The following N4BP2 variants were observed in gnomAD, a reference collection of about 807,000 sequenced individuals.
N4BP2 encodes the protein NEDD4-binding protein 2.
Under a neutral mutation model 152.8 loss-of-function variants are expected in N4BP2, and 91 were observed. The observed-to-expected ratio is 0.60, with a 90% confidence interval of 0.50 to 0.71. The LOEUF (loss-of-function observed/expected upper bound fraction) is 0.71, where lower values mean the gene tolerates loss of function less well. Ranked by LOEUF, N4BP2 falls within the 30% of genes least tolerant of loss-of-function variation. The pLI is 0.00. For synonymous variants in N4BP2, 646 were observed against 705.3 expected (o/e 0.92, Z 1.33); for missense variants, 1,923 against 2,059.1 (o/e 0.93, Z 1.28).
the N4BP2 span, among the ~76,000 whole-genome samples, chr4:40,176,089 C>CAA: frequency 9.6e-5 from 8 of 83,436 alleles, no homozygotes; most frequent in East Asian, 2.8e-4. Flanking sequence ...GACTCCGTCT[C>CAA]AAAAAAAAAA....
downstream of N4BP2, among the ~76,000 whole-genome samples, chr4:40,158,834 C>CT (rs1721779629): frequency 6.6e-6 from 1 of 151,958 alleles, no homozygotes; most frequent in South Asian, 2.1e-4. Context: ...GACCTTGGAA[C>CT]TTTATATTCG....
rs2110014819 is a variant in N4BP2, at chr4:40,131,885, C to A, written c.4612C>A (p.Gln1538Lys). The A allele has an allele frequency of 6.2e-7, 1 of 1,613,122 alleles. No homozygotes were observed. The highest frequency in any genetic ancestry group is 8.5e-7 in the Non-Finnish European group (1 of 1,179,308). ...CTTTAAGATATTTCCAGCCATTAAC[C>A]AAAATTTTCTGGTGGACATTTTCAA... ...QLFKIFPAIN[Q>K]NFLVDIFKDH... The change falls in exon 13 of 18, where the codon CAA (glutamine) becomes AAA (lysine). Residue 1538 changes from glutamine to lysine, a missense_variant. Gln to Lys is a moderately conservative substitution (Grantham distance 53). Transcript: ENST00000261435.
chr4:40,113,584 G>A, intron 7 of N4BP2, 76 bp downstream of exon 7: 1 of 975,672 alleles, frequency 1.0e-6, no homozygotes, highest in Non-Finnish European at 1.6e-6. Flanking sequence ...TTTTCCCCTT[G>A]TAAATGATGA....
At chr4:40,071,622 A>C (rs10011231) in intron 1 of N4BP2, among the ~76,000 whole-genome samples, 1 of 152,106 alleles carries the variant, frequency 6.6e-6, no homozygotes, top group African/African-American at 2.4e-5. Context: ...GCTGGAGTGC[A>C]ATGGTGCGAT....
chr4:40,073,325 T>G (rs1280925000), intron 1 of N4BP2, 130 bp from the exon 2 acceptor site: 1 of 152,102 alleles, frequency 6.6e-6, no homozygotes, highest in Admixed American at 6.6e-5. Context: ...TTCTTGTCTT[T>G]TCTCTTTTGT....
Position 40,121,767 on chromosome 4 carries a change from G to A in N4BP2, c.3656G>A (p.Ser1219Asn). 7 of 1,613,926 alleles carry A rather than the reference G, an allele frequency of 4.3e-6. No individual in the cohort carries two copies. Among genetic ancestry groups the A allele is most frequent in the Non-Finnish European group, 5.9e-6 (7 of 1,179,990 alleles). Residue 1219 changes from serine (S) to asparagine (N), a missense_variant, in exon 9 of 18, where the codon AGT (serine) becomes AAT (asparagine). By Grantham distance (46) the Ser-to-Asn change is conservative. Transcript: ENST00000261435. ...VTPENHESMT[S>N]IFPSAAVGLK... is the part of the protein sequence containing the mutation. Reference sequence around the variant, plus strand: ...CCTGAAAACCATGAATCGATGACAAGTATATTTCCCAGTGCTGCTGTGGGT... The same window carrying A: ...CCTGAAAACCATGAATCGATGACAAATATATTTCCCAGTGCTGCTGTGGGT...
At chr4:40,183,315 T>A in the N4BP2 span, among the ~76,000 whole-genome samples, 1 of 151,706 alleles carries the variant, frequency 6.6e-6, no homozygotes, top group East Asian at 1.9e-4. Context: ...TTAGGTTGGG[T>A]ATTGGCTAAA....
At chr4:40,080,325 T>TATATAC (rs772636527) in intron 2 of N4BP2, among the ~76,000 whole-genome samples, 2 of 150,292 alleles carry the variant, frequency 1.3e-5, no homozygotes, top group Admixed American at 6.7e-5. Flanking sequence ...TATATATATA[T>TATATAC]ACACACACAC....
At chr4:40,176,512 T>A in the N4BP2 span, among the ~76,000 whole-genome samples, 2 of 152,166 alleles carry the variant, frequency 1.3e-5, no homozygotes, top group African/African-American at 2.4e-5. Context: ...ACAAAAGTAC[T>A]CCCGAGGTGA....
chr4:40,100,795 T>G (rs967618465), intron 3 of N4BP2, among the ~76,000 whole-genome samples: 1 of 152,242 alleles, frequency 6.6e-6, no homozygotes, highest in Non-Finnish European at 1.5e-5. Flanking sequence ...AATGTACTTT[T>G]TAACTTCATT....
intron 3 of N4BP2, among the ~76,000 whole-genome samples, chr4:40,101,083 C>T (rs116760802): frequency 1.5e-3 from 222 of 152,298 alleles, no homozygotes; most frequent in African/African-American, 5.1e-3. Context: ...CACATATCAC[C>T]TTATGTGAGA....
At chr4:40,082,739 C>A (rs986923191) in intron 2 of N4BP2, among the ~76,000 whole-genome samples, 7 of 151,212 alleles carry the variant, frequency 4.6e-5, no homozygotes, top group Admixed American at 3.3e-4. Context: ...CTTGCTTTGT[C>A]CCCCAGGCTG....
the N4BP2 span, among the ~76,000 whole-genome samples, chr4:40,189,876 G>T: frequency 6.6e-6 from 1 of 151,502 alleles, no homozygotes; most frequent in Non-Finnish European, 1.5e-5. This position sits in a 1 kb window ranked among gnomAD's most constrained non-coding sequence, Gnocchi z 4.3. Context: ...GCGACATGGG[G>T]AGAGGGGAGA....
At chr4:40,085,038 G>C (rs577127780) in intron 2 of N4BP2, among the ~76,000 whole-genome samples, 1 of 150,020 alleles carries the variant, frequency 6.7e-6, no homozygotes, top group South Asian at 2.1e-4. Context: ...TCAGCCTCCC[G>C]AGTAGCTGGG....
chr4:40,093,893 C>G (rs967154684), intron 2 of N4BP2, among the ~76,000 whole-genome samples: 1 of 152,070 alleles, frequency 6.6e-6, no homozygotes, highest in Non-Finnish European at 1.5e-5. Context: ...AGCCACCGCG[C>G]CCAGCTAATT....
the N4BP2 span, among the ~76,000 whole-genome samples, chr4:40,186,795 C>T: frequency 2.0e-5 from 3 of 152,264 alleles, no homozygotes; most frequent in South Asian, 2.1e-4. Context: ...TCAAGAAGAA[C>T]ATGGTTGACT....
chr4:40,141,535 C>T (rs1042164575), intron 14 of N4BP2, among the ~76,000 whole-genome samples: 303 of 151,258 alleles, frequency 2.0e-3, no homozygotes, highest in Non-Finnish European at 3.4e-3. Context: ...GGATGGCGGC[C>T]GGGAAGAGGC....
At chr4:40,150,297 T>C (rs943646941) in intron 16 of N4BP2, among the ~76,000 whole-genome samples, 1 of 152,194 alleles carries the variant, frequency 6.6e-6, no homozygotes, top group African/African-American at 2.4e-5. Flanking sequence ...ACTACCATTT[T>C]ATAGGGATTT....
At chr4:40,070,811 G>C (rs1712088545) in intron 1 of N4BP2, among the ~76,000 whole-genome samples, 1 of 151,542 alleles carries the variant, frequency 6.6e-6, no homozygotes, top group Non-Finnish European at 1.5e-5. Context: ...TTTGATTGCT[G>C]TGTGGTGTTT....
Sources: gnomAD v4.1 joint callset for allele counts (sites outside exome capture counted in the v4.1 genomes callset) on GRCh38, gnomAD v4.1.1 for gene constraint, Gnocchi (gnomAD v3.1) non-coding constraint, MANE v1.5 for transcripts, NCBI Gene and HGNC (gene_info 2026-07-23, HGNC 2026-07-21) for gene names.